Variants in FRMD3 observed in about 807,000 individuals in gnomAD.
The protein encoded by FRMD3 is FERM domain-containing protein 3.
Under a neutral mutation model 70.2 loss-of-function variants are expected in FRMD3, and 33 were observed. That is an observed-to-expected ratio of 0.47 (90% CI 0.36 to 0.63). The LOEUF (loss-of-function observed/expected upper bound fraction) is 0.63, where lower values mean the gene tolerates loss of function less well. Among genes scored for constraint, FRMD3 ranks in the 20% least tolerant of loss-of-function variants. The pLI, the probability that FRMD3 is intolerant of heterozygous loss-of-function variation, is 0.00. For missense variants in FRMD3, 632 were observed against 711.4 expected (o/e 0.89, Z 1.27); for synonymous variants, 279 against 255.9 (o/e 1.09, Z -0.86).
chr9:83,382,123 T>G (rs1267364322), intron 2 of FRMD3, among the ~76,000 whole-genome samples: 1 of 152,130 alleles, frequency 6.6e-6, no homozygotes, highest in Non-Finnish European at 1.5e-5. Context: ...ATCTATGAAA[T>G]GAAATTATGG....
the FRMD3 span, among the ~76,000 whole-genome samples, chr9:83,560,092 C>T: frequency 6.6e-6 from 1 of 152,174 alleles, no homozygotes. Context: ...ACATTATCCT[C>T]TTCATTCATA....
intron 13 of FRMD3, among the ~76,000 whole-genome samples, chr9:83,282,304 G>A (rs1834004077): frequency 6.6e-6 from 1 of 152,184 alleles, no homozygotes; most frequent in Non-Finnish European, 1.5e-5. Context: ...GTTGAAGGTG[G>A]TTCAAAAGAG....
chr9:83,486,608 A>C (rs950397110), intron 1 of FRMD3, among the ~76,000 whole-genome samples: 1 of 152,234 alleles, frequency 6.6e-6, no homozygotes, highest in Admixed American at 6.5e-5. Context: ...ATAAGCCTGG[A>C]CCAAGATTTA....
chr9:83,489,624 T>C (rs1054691346), intron 1 of FRMD3, among the ~76,000 whole-genome samples: 49 of 152,160 alleles, frequency 3.2e-4, no homozygotes, highest in African/African-American at 1.1e-3. Flanking sequence ...CTAGCAAGGC[T>C]GTAGAGTAAA....
chr9:83,456,939 C>T (rs1290766224), intron 1 of FRMD3, among the ~76,000 whole-genome samples: 1 of 151,996 alleles, frequency 6.6e-6, no homozygotes, highest in Admixed American at 6.6e-5. Flanking sequence ...GTGATCATGC[C>T]ACCACACTCC....
At chr9:83,451,763 T>G (rs2131416733) in intron 1 of FRMD3, among the ~76,000 whole-genome samples, 1 of 152,296 alleles carries the variant, frequency 6.6e-6, no homozygotes, top group South Asian at 2.1e-4. Context: ...AATCAGAACT[T>G]GGTCGCTTCT....
chr9:83,492,498 C>T (rs1351634047), intron 1 of FRMD3, among the ~76,000 whole-genome samples: 1 of 152,208 alleles, frequency 6.6e-6, no homozygotes, highest in Non-Finnish European at 1.5e-5. Flanking sequence ...TCCTTCCCAC[C>T]TGCACCTCCT....
At chr9:83,456,606 G>A (rs1827824572) in intron 1 of FRMD3, among the ~76,000 whole-genome samples, 1 of 152,166 alleles carries the variant, frequency 6.6e-6, no homozygotes, top group Non-Finnish European at 1.5e-5. Context: ...ATGGTAAATG[G>A]TATCTCAAGG....
At chr9:83,304,855 A>G (rs1040795297) in intron 10 of FRMD3, among the ~76,000 whole-genome samples, 1 of 152,194 alleles carries the variant, frequency 6.6e-6, no homozygotes, top group African/African-American at 2.4e-5. Context: ...TAAATGGTGA[A>G]TAAGTCTGTG....
chr9:83,353,264 G>C (rs1173102064), intron 3 of FRMD3, among the ~76,000 whole-genome samples: 2 of 138,652 alleles, frequency 1.4e-5, no homozygotes, highest in Non-Finnish European at 3.1e-5. Context: ...CAGGCCTGAC[G>C]AGGCCACTGC....
At chr9:83,350,638 AG>A (rs200560820) in intron 3 of FRMD3, 6,653 of 378,062 alleles carry the variant, frequency 0.018, 186 homozygotes, top group Non-Finnish European at 0.022. Context: ...AAAAAAAAAA[AG>A]AAAGAAAGAA....
chr9:83,341,067 T>A (rs1040024827), intron 5 of FRMD3, among the ~76,000 whole-genome samples: 4 of 152,228 alleles, frequency 2.6e-5, no homozygotes, highest in African/African-American at 9.6e-5. Flanking sequence ...TTACTCCATC[T>A]TCCCTATTAC....
intron 1 of FRMD3, among the ~76,000 whole-genome samples, chr9:83,504,094 T>C (rs1447176897): frequency 1.3e-5 from 2 of 152,176 alleles, no homozygotes; most frequent in African/African-American, 2.4e-5. Flanking sequence ...TTCGGGTTTG[T>C]ACTGCTCTGT....
At chr9:83,342,587 T>C (rs916617586) in intron 5 of FRMD3, among the ~76,000 whole-genome samples, 2 of 152,172 alleles carry the variant, frequency 1.3e-5, no homozygotes, top group Non-Finnish European at 2.9e-5. Context: ...CTCCTCACCA[T>C]GCCCACAGCT....
chr9:83,392,479 A>T (rs372581645), intron 1 of FRMD3, among the ~76,000 whole-genome samples: 2 of 152,280 alleles, frequency 1.3e-5, no homozygotes, highest in African/African-American at 4.8e-5. Flanking sequence ...GCTACTGCCC[A>T]TATACCTCAC....
At chr9:83,563,049 G>C in the FRMD3 span, among the ~76,000 whole-genome samples, 1 of 151,546 alleles carries the variant, frequency 6.6e-6, no homozygotes, top group South Asian at 2.1e-4. Context: ...GAGACGCAAA[G>C]ATACGCAGTA....
At chr9:83,437,666 C>G (rs1034597399) in intron 1 of FRMD3, among the ~76,000 whole-genome samples, 1 of 152,130 alleles carries the variant, frequency 6.6e-6, no homozygotes, top group African/African-American at 2.4e-5. Context: ...CAATACCAAG[C>G]AGATTCCACC....
At chr9:83,566,270 A>C in the FRMD3 span, among the ~76,000 whole-genome samples, 1 of 152,100 alleles carries the variant, frequency 6.6e-6, no homozygotes, top group Non-Finnish European at 1.5e-5. Flanking sequence ...AGACTTCCCC[A>C]CTCTCAGGAG....
At chr9:83,422,594 G>T (rs1456789070) in intron 1 of FRMD3, among the ~76,000 whole-genome samples, 1 of 152,106 alleles carries the variant, frequency 6.6e-6, no homozygotes, top group Admixed American at 6.6e-5. Flanking sequence ...TCACCAAATG[G>T]CTCTTCAATC....
Sources: allele counts gnomAD v4.1 joint callset (sites outside exome capture counted in the v4.1 genomes callset), GRCh38; gene constraint gnomAD v4.1.1; transcripts MANE v1.5; gene names NCBI Gene and HGNC (gene_info 2026-07-23, HGNC 2026-07-21).